CHMP2B: variants seen among roughly 807,000 people sequenced by gnomAD.
The protein encoded by CHMP2B is VPS2 homolog B.
CHMP2B carries 22 observed loss-of-function variants against 29.8 expected under a neutral mutation model. That is an observed-to-expected ratio of 0.74 (90% CI 0.53 to 1.05). The LOEUF (loss-of-function observed/expected upper bound fraction) is 1.05, where lower values mean the gene tolerates loss of function less well. Ranked by LOEUF, CHMP2B falls within the 50% of genes least tolerant of loss-of-function variation. The pLI is 0.00. For synonymous variants in CHMP2B, 78 were observed against 75.8 expected (o/e 1.03, Z -0.15); for missense variants, 261 against 252.2 (o/e 1.03, Z -0.24).
chr3:87,240,881 G>A (rs529384835), intron 2 of CHMP2B, 91 bp downstream of exon 2: 3 of 907,230 alleles, frequency 3.3e-6, no homozygotes, highest in South Asian at 2.6e-5. Context: ...AAGGCACATG[G>A]CAGGTGGTAA....
In CHMP2B at chr3:87,253,494, T is replaced by C; in HGVS notation, c.515T>C (p.Ile172Thr). Residue 172 changes from isoleucine (I) to threonine (T), a missense_variant, in exon 5 of 6, where the codon ATT (isoleucine) becomes ACT (threonine). Transcript: ENST00000263780. ...AATCAAGTTCTTGATGAAATTGGAA[T>C]TGAAATTTCTGGAAAGGTATGAACA... ...IVNQVLDEIG[I>T]EISGKMAKAP... The C allele has an allele frequency of 1.2e-6, 2 of 1,606,986 alleles. No individual in the cohort carries two copies.
At chr3:87,248,421 G>A (rs534459384) in intron 3 of CHMP2B, among the ~76,000 whole-genome samples, 1 of 151,528 alleles carries the variant, frequency 6.6e-6, no homozygotes, top group African/African-American at 2.4e-5. Context: ...GCAATGGCGT[G>A]ATCTTGGCTC....
intron 4 of CHMP2B, 138 bp downstream of exon 4, chr3:87,250,115 T>A: frequency 3.5e-6 from 2 of 575,816 alleles, no homozygotes; most frequent in Non-Finnish European, 3.1e-6. Context: ...TCTATTTGTA[T>A]TTAACTGAGG....
At position 87,253,734 on chromosome 3, in the gene CHMP2B, C is replaced by T; in HGVS notation, c.554C>T (p.Ala185Val). ...TAGATGGCCAAAGCTCCATCAGCTG[C>T]TCGAAGCTTACCATCTGCCTCTACT... Reference protein sequence around the residue: ...SGKMAKAPSAARSLPSASTSK... With the variant: ...SGKMAKAPSAVRSLPSASTSK... The change falls in exon 6 of 6, where the codon GCT becomes GTT. Residue 185 changes from alanine to valine, a missense_variant. By Grantham distance (64) the Ala-to-Val change is moderately conservative (BLOSUM62 0). Transcript: ENST00000263780. 1 of 1,612,434 alleles carries T rather than the reference C, an allele frequency of 6.2e-7. No individual in the cohort carries two copies. Among genetic ancestry groups the T allele is most frequent in the Non-Finnish European group, 8.5e-7 (1 of 1,178,768 alleles).
At chr3:87,245,398 T>C (rs1706192366) in intron 2 of CHMP2B, among the ~76,000 whole-genome samples, 1 of 152,032 alleles carries the variant, frequency 6.6e-6, no homozygotes, top group Admixed American at 6.5e-5. Context: ...GTATGTTTTT[T>C]CCTTTTCTCT....
intron 3 of CHMP2B, among the ~76,000 whole-genome samples, chr3:87,248,095 C>T (rs1281949559): frequency 6.6e-6 from 1 of 151,914 alleles, no homozygotes; most frequent in Admixed American, 6.5e-5. Flanking sequence ...GCCAGGAGTT[C>T]AAGACCAGTC....
intron 2 of CHMP2B, among the ~76,000 whole-genome samples, chr3:87,242,755 A>G (rs1449679662): frequency 6.6e-6 from 1 of 152,116 alleles, no homozygotes; most frequent in East Asian, 1.9e-4. Context: ...CAGTTGTCCA[A>G]ACGTAGGCAT....
At chr3:87,242,475 C>T (rs1024094435) in intron 2 of CHMP2B, among the ~76,000 whole-genome samples, 2 of 151,986 alleles carry the variant, frequency 1.3e-5, no homozygotes, top group Non-Finnish European at 2.9e-5. Context: ...TATTTCTCAT[C>T]CTTTTTTCTG....
At chr3:87,228,440 CAACCAAAG>C (rs1223687486) in intron 1 of CHMP2B, among the ~76,000 whole-genome samples, 3 of 152,188 alleles carry the variant, frequency 2.0e-5, no homozygotes, top group Non-Finnish European at 4.4e-5. Flanking sequence ...GTTGCTGGTT[CAACCAAAG>C]AATCACTTCT....
rs115704159 is a variant in CHMP2B at position 87,234,490 on chromosome 3, C to T, written c.35-6209C>T. On this transcript the variant is annotated intron_variant, in intron 1 of 5. Coordinates refer to ENST00000263780, the MANE Select transcript of CHMP2B (RefSeq NM_014043.4). ...AGGCTTTTAATGCCCAGAGTGGAGCCGGCCTGGGTGGCCTTTTCTTAAGTG... is the reference window on the plus strand; with the variant it reads ...AGGCTTTTAATGCCCAGAGTGGAGCTGGCCTGGGTGGCCTTTTCTTAAGTG... Among the ~76,000 whole-genome samples, 1,118 of 152,174 alleles carry T rather than the reference C, an allele frequency of 7.3e-3. 9 individuals carry two copies. The highest frequency in any genetic ancestry group is 0.026 in the African/African-American group (1,071 of 41,522).
intron 5 of CHMP2B, 29 bp downstream of exon 5, chr3:87,253,539 A>C: frequency 6.8e-7 from 1 of 1,475,816 alleles, no homozygotes; most frequent in Non-Finnish European, 9.5e-7. Flanking sequence ...CTTAGTTGGA[A>C]ATAGTTTCTG....
At chr3:87,232,811 A>T (rs1237492955) in intron 1 of CHMP2B, among the ~76,000 whole-genome samples, 2 of 152,124 alleles carry the variant, frequency 1.3e-5, no homozygotes, top group African/African-American at 4.8e-5. Flanking sequence ...TTTATTGATG[A>T]TGTTACTAAA....
At chr3:87,236,136 A>G (rs1706003826) in intron 1 of CHMP2B, among the ~76,000 whole-genome samples, 1 of 152,054 alleles carries the variant, frequency 6.6e-6, no homozygotes, top group South Asian at 2.1e-4. Context: ...AGGTTTTTTT[A>G]TAACCTAATC....
Position 87,246,640 on chromosome 3 carries a change from T to C in CHMP2B, c.321+732T>C, listed in dbSNP as rs561695491. 5.7e-4 allele frequency among the ~76,000 whole-genome samples: 87 copies of C among 152,314 alleles called. 1 individual carries two copies. Among genetic ancestry groups the C allele is most frequent in the Middle Eastern group, 3.4e-3 (1 of 294 alleles). ...AAGGTCACATGAATAATAAGAAAGA[T>C]TTATCAGAATGTTTGTCTAGAACTT... On this transcript the variant is annotated intron_variant, in intron 3 of 5. Coordinates refer to ENST00000263780, the MANE Select transcript of CHMP2B (RefSeq NM_014043.4).
intron 2 of CHMP2B, among the ~76,000 whole-genome samples, chr3:87,241,364 T>C (rs1057206318): frequency 6.6e-6 from 1 of 152,192 alleles, no homozygotes; most frequent in Non-Finnish European, 1.5e-5. Context: ...GTTTTTGACA[T>C]ATGTATAAAC....
At chr3:87,246,006 T>C (rs940759458) in intron 3 of CHMP2B, 98 bp downstream of exon 3, 19 of 928,702 alleles carry the variant, frequency 2.0e-5, no homozygotes, top group East Asian at 1.0e-4. Context: ...CTGGTGTATA[T>C]GTGATACAAA....
Position 87,237,234 on chromosome 3 carries a change from CA to C in CHMP2B, c.35-3463del, listed in dbSNP as rs553936143. Reference sequence around the variant, plus strand: ...GCTGAATTGTCCCCCCTGCCTCCCACAATTCATATGACAAAGCTCTGACCAC... The same window carrying C: ...GCTGAATTGTCCCCCCTGCCTCCCACATTCATATGACAAAGCTCTGACCAC... On this transcript the variant is annotated intron_variant, in intron 1 of 5. Transcript: ENST00000263780. Among the ~76,000 whole-genome samples the C allele has an allele frequency of 1.1e-4, 16 of 152,240 alleles. No individual in the cohort carries two copies. In the East Asian group the frequency reaches 3.1e-3, roughly 29 times the overall value.
intron 1 of CHMP2B, among the ~76,000 whole-genome samples, chr3:87,232,007 C>T (rs1705917539): frequency 6.6e-6 from 1 of 152,098 alleles, no homozygotes; most frequent in Admixed American, 6.6e-5. Context: ...AATATATCTG[C>T]AAGAGTTTCT....
rs1276561811 is a variant in CHMP2B, at chr3:87,255,124, G to A, written c.*1302G>A. On this transcript the variant is annotated 3_prime_UTR_variant, in exon 6 of 6. Coordinates refer to ENST00000263780, the MANE Select transcript of CHMP2B (RefSeq NM_014043.4). ...AAACTGGAGGAGATATGTGTAACCT[G>A]GTTAATTTGGGATGGTGGACATTTT... The A allele has an allele frequency of 1.3e-5, 2 of 151,938 alleles. No homozygotes were observed. The highest frequency in any genetic ancestry group is 2.4e-5 in the African/African-American group (1 of 41,398). 9.4% of individuals were successfully genotyped at this position (151,938 alleles called of 1,614,324 possible).
Sources: gnomAD v4.1 joint callset for allele counts (sites outside exome capture counted in the v4.1 genomes callset) on GRCh38, gnomAD v4.1.1 for gene constraint, MANE v1.5 for transcripts, NCBI Gene and HGNC (gene_info 2026-07-23, HGNC 2026-07-21) for gene names.